Variants in EIF3H observed in about 807,000 individuals in gnomAD.
EIF3H encodes eukaryotic translation initiation factor 3 subunit H.
Under a neutral mutation model 44.2 loss-of-function variants are expected in EIF3H, and 26 were observed. That is an observed-to-expected ratio of 0.59 (90% CI 0.43 to 0.82). EIF3H has a LOEUF of 0.82. Among genes scored for constraint, EIF3H ranks in the 40% least tolerant of loss-of-function variants. EIF3H has a pLI of 0.00. For missense variants in EIF3H, 359 were observed against 432.8 expected, an observed-to-expected ratio of 0.83 and a Z score of 1.51; for synonymous variants, 166 against 151.9, an observed-to-expected ratio of 1.09 and a Z score of -0.68.
At chr8:116,746,034 C>T (rs1256441348) in intron 1 of EIF3H, among the ~76,000 whole-genome samples, 1 of 152,138 alleles carries the variant, frequency 6.6e-6, no homozygotes, top group Non-Finnish European at 1.5e-5. Flanking sequence ...CCTTAATATG[C>T]TGATTTTCTT....
chr8:116,711,497 T>C (rs1341439393), intron 2 of EIF3H, among the ~76,000 whole-genome samples: 7 of 152,308 alleles, frequency 4.6e-5, no homozygotes, highest in South Asian at 4.1e-4. Flanking sequence ...ATCCTGGTAA[T>C]AGACTTTTTT....
chr8:116,650,815 T>C (rs1813376695), intron 5 of EIF3H, among the ~76,000 whole-genome samples: 1 of 152,122 alleles, frequency 6.6e-6, no homozygotes, highest in South Asian at 2.1e-4. Context: ...CCTGGCTGGA[T>C]TTTTTGTATT....
At chr8:116,759,722 CGTGT>C (rs2131008717), upstream of EIF3H, among the ~76,000 whole-genome samples, 1 of 151,836 alleles carries the variant, frequency 6.6e-6, no homozygotes, top group Non-Finnish European at 1.5e-5. Flanking sequence ...TGTGTGTGTG[CGTGT>C]GCGCGCGCAC....
chr8:116,648,904 G>A lies in EIF3H; in HGVS notation c.730C>T (p.Gln244Ter), dbSNP rs1167002755. Residue 244 changes from glutamine to a stop codon, truncating the protein, a stop_gained, in exon 6 of 8, where the codon CAG (glutamine) becomes TAG (stop). Coordinates refer to ENST00000521861, the MANE Select transcript of EIF3H (RefSeq NM_003756.3). LOFTEE classifies it high-confidence loss of function. Reference protein sequence around the residue: ...ASSNHLGKNLQLLMDRVDEMS... With the variant: ...ASSNHLGKNL ...TCATCCACTCTGTCCATCAGCAACT[G>A]TAGATTCTTCCCCAAATGATTGCTG... 2.5e-6 allele frequency: 4 copies of A among 1,611,080 alleles called. No homozygotes were observed. Among genetic ancestry groups the A allele is most frequent in the Non-Finnish European group, 2.5e-6 (3 of 1,178,818 alleles).
intron 1 of EIF3H, chr8:116,765,493 C>G (rs539986062): frequency 6.6e-6 from 1 of 152,304 alleles, no homozygotes; most frequent in African/African-American, 2.4e-5. Flanking sequence ...ATTCCATACT[C>G]CCCATTCTTT....
At chr8:116,756,054 A>C, upstream of EIF3H, 1 of 1,484,768 alleles carries the variant, frequency 6.7e-7, no homozygotes, top group Non-Finnish European at 9.1e-7. Context: ...ATGTTTAATC[A>C]TTCACCACTA....
chr8:116,714,001 A>G (rs1277245807), intron 2 of EIF3H, among the ~76,000 whole-genome samples: 1 of 152,084 alleles, frequency 6.6e-6, no homozygotes, highest in Non-Finnish European at 1.5e-5. Context: ...TAAACATGAC[A>G]CTAACATCAT....
At chr8:116,686,878 G>A (rs1814087208) in intron 2 of EIF3H, among the ~76,000 whole-genome samples, 2 of 152,092 alleles carry the variant, frequency 1.3e-5, no homozygotes, top group East Asian at 1.9e-4. Flanking sequence ...AATTTTTAGG[G>A]TAATCTTCAA....
At chr8:116,651,312 G>A (rs1406960993) in intron 5 of EIF3H, among the ~76,000 whole-genome samples, 1 of 152,132 alleles carries the variant, frequency 6.6e-6, no homozygotes, top group Non-Finnish European at 1.5e-5. Flanking sequence ...TTTGATAGGA[G>A]GCATCAGAGA....
chr8:116,650,563 G>C (rs1813372026), intron 5 of EIF3H, among the ~76,000 whole-genome samples: 1 of 152,118 alleles, frequency 6.6e-6, no homozygotes, highest in South Asian at 2.1e-4. Flanking sequence ...ATGTTATTTG[G>C]CCTTAAACAT....
At chr8:116,742,778 A>G (rs972535019) in intron 1 of EIF3H, among the ~76,000 whole-genome samples, 1 of 152,212 alleles carries the variant, frequency 6.6e-6, no homozygotes, top group African/African-American at 2.4e-5. Context: ...CTCTGGGAAG[A>G]GGGTGCTTGG....
chr8:116,698,037 C>A (rs1482701575), intron 2 of EIF3H, among the ~76,000 whole-genome samples: 1 of 152,168 alleles, frequency 6.6e-6, no homozygotes. Flanking sequence ...TAAGGGTAGG[C>A]AGAATTATCA....
intron 2 of EIF3H, among the ~76,000 whole-genome samples, chr8:116,706,385 A>C (rs1440646168): frequency 6.6e-6 from 1 of 152,182 alleles, no homozygotes; most frequent in Admixed American, 6.5e-5. Flanking sequence ...CTCTTCACAC[A>C]GCTAGTTACT....
chr8:116,672,420 G>C (rs1669762900), intron 2 of EIF3H, among the ~76,000 whole-genome samples: 1 of 152,164 alleles, frequency 6.6e-6, no homozygotes, highest in African/African-American at 2.4e-5. Context: ...GAAGCCATGA[G>C]TTCGAGACCA....
rs146863733 is a variant in EIF3H, at chr8:116,716,448, G to A, written c.289+9568C>T. Among the ~76,000 whole-genome samples the A allele has an allele frequency of 3.9e-3, 596 of 152,210 alleles. 2 individuals carry two copies. Among genetic ancestry groups the A allele is most frequent in the Middle Eastern group, 0.017 (5 of 294 alleles). On this transcript the variant is annotated intron_variant, in intron 2 of 7. Coordinates refer to ENST00000521861, the MANE Select transcript of EIF3H (RefSeq NM_003756.3). ...GCCAGTGAAACAAACATCCTATAGTGTATTTTCGTTTCAGTGCTCAAAATA... is the reference window on the plus strand; with the variant it reads ...GCCAGTGAAACAAACATCCTATAGTATATTTTCGTTTCAGTGCTCAAAATA...
chr8:116,672,879 CG>C (rs1482371483), intron 2 of EIF3H, among the ~76,000 whole-genome samples: 1 of 152,036 alleles, frequency 6.6e-6, no homozygotes, highest in Non-Finnish European at 1.5e-5. Context: ...CAAACAAGAA[CG>C]CCTCTCTCAA....
intron 2 of EIF3H, among the ~76,000 whole-genome samples, chr8:116,689,983 C>A (rs1586457916): frequency 6.6e-6 from 1 of 152,150 alleles, no homozygotes; most frequent in Non-Finnish European, 1.5e-5. Flanking sequence ...TATATAATAA[C>A]ATATTCGTAT....
chr8:116,654,313 T>C (rs917840237), intron 5 of EIF3H, among the ~76,000 whole-genome samples: 3 of 152,226 alleles, frequency 2.0e-5, no homozygotes, highest in African/African-American at 4.8e-5. Context: ...TTTTCTTGGC[T>C]ATTATAAATG....
upstream of EIF3H, among the ~76,000 whole-genome samples, chr8:116,758,991 T>C (rs985208551): frequency 1.1e-4 from 16 of 152,198 alleles, no homozygotes; most frequent in African/African-American, 3.4e-4. Flanking sequence ...ACCTGAAGTA[T>C]GCATAAGAAA....
Sources: gnomAD v4.1 joint callset for allele counts (sites outside exome capture counted in the v4.1 genomes callset) on GRCh38, gnomAD v4.1.1 for gene constraint, MANE v1.5 for transcripts, NCBI Gene and HGNC (gene_info 2026-07-23, HGNC 2026-07-21) for gene names.